Variants in VPS35L observed in about 807,000 individuals in gnomAD.
VPS35L encodes VPS35 endosomal protein sorting factor like.
A neutral mutation model predicts 133.0 loss-of-function variants in VPS35L; 83 were observed. The observed-to-expected ratio is 0.62, with a 90% CI of 0.52 to 0.75. The LOEUF is 0.75. Ranked by LOEUF, VPS35L falls within the 30% of genes least tolerant of loss-of-function variation. The probability of loss-of-function intolerance (pLI) is 0.00; values close to 1 mark genes in which losing one functional copy is unlikely to be tolerated. For synonymous variants in VPS35L, 423 were observed against 449.9 expected (o/e 0.94, Z 0.76); for missense variants, 1,083 against 1,206.8 (o/e 0.90, Z 1.52).
intron 10 of VPS35L, 90 bp downstream of exon 10, chr16:19,608,364 GACATTCTTATTGA>G: frequency 1.0e-6 from 1 of 1,000,816 alleles, no homozygotes; most frequent in South Asian, 1.4e-5. Context: ...GGGATGCCCT[GACATTCTTATTGA>G]AAGTTTGGTC....
intron 25 of VPS35L, among the ~76,000 whole-genome samples, chr16:19,650,939 C>T (rs758855048): frequency 3.3e-5 from 5 of 151,808 alleles, no homozygotes; most frequent in South Asian, 2.1e-4. Context: ...AGTGCAGTGA[C>T]GTGATCTCGG....
chr16:19,600,018 T>A (rs1004699046), intron 8 of VPS35L, among the ~76,000 whole-genome samples: 1 of 152,162 alleles, frequency 6.6e-6, no homozygotes, highest in Non-Finnish European at 1.5e-5. Context: ...TGCAGCCTGG[T>A]GCCAGAGTGA....
At chr16:19,574,773 A>G (rs1023890085) in intron 4 of VPS35L, among the ~76,000 whole-genome samples, 11 of 152,114 alleles carry the variant, frequency 7.2e-5, no homozygotes, top group Admixed American at 1.3e-4. Context: ...TAAACATCCA[A>G]CGGTGCACAG....
At chr16:19,568,648 T>C (rs1162875544) in intron 2 of VPS35L, among the ~76,000 whole-genome samples, 1 of 152,034 alleles carries the variant, frequency 6.6e-6, no homozygotes, top group African/African-American at 2.4e-5. Flanking sequence ...TATTAGGAGC[T>C]CTGTGGGAGG....
chr16:19,613,894 C>G (rs143693887), intron 12 of VPS35L, among the ~76,000 whole-genome samples: 1 of 151,974 alleles, frequency 6.6e-6, no homozygotes. Context: ...CTGGGCAGGC[C>G]GAAACAGCAG....
At chr16:19,658,093 TCTC>T (rs1159704270) in intron 26 of VPS35L, among the ~76,000 whole-genome samples, 1 of 152,112 alleles carries the variant, frequency 6.6e-6, no homozygotes, top group Non-Finnish European at 1.5e-5. Flanking sequence ...CACGGGCAAG[TCTC>T]CTCCTGACAA....
chr16:19,700,300 T>C (rs1976077486), intron 30 of VPS35L, 78 bp from the exon 31 acceptor site: 1 of 1,280,958 alleles, frequency 7.8e-7, no homozygotes, highest in Admixed American at 1.8e-5. Flanking sequence ...TAAGCTCACA[T>C]AATGGCTGAT....
chr16:19,593,376 T>C (rs556029983), intron 8 of VPS35L, among the ~76,000 whole-genome samples: 130 of 152,292 alleles, frequency 8.5e-4, no homozygotes, highest in Middle Eastern at 3.4e-3. Flanking sequence ...GCAAATCTTA[T>C]CTGTAAACCC....
At chr16:19,575,201 T>G in intron 5 of VPS35L, 79 bp downstream of exon 5, 2 of 1,310,498 alleles carry the variant, frequency 1.5e-6, no homozygotes, top group Middle Eastern at 2.0e-4. Flanking sequence ...AAAAAAGTTT[T>G]ATGTGATATG....
chr16:19,699,274 G>A lies in VPS35L; in HGVS notation c.2647-228G>A, dbSNP rs1270327050. Reference sequence around the variant, plus strand: ...TGACCATCTGTGGGCACAGAGCTTCGTCATCTTACTGAATCCCCGCCCTTT... The same window carrying A: ...TGACCATCTGTGGGCACAGAGCTTCATCATCTTACTGAATCCCCGCCCTTT... On this transcript the variant is annotated intron_variant, in intron 29 of 30. Transcript: ENST00000417362. The surrounding 1 kb of genome is among the most constrained non-coding windows in gnomAD (Gnocchi z 4.2). The A allele has an allele frequency of 3.7e-5, 18 of 485,460 alleles. No homozygotes were observed. The highest frequency in any genetic ancestry group is 1.5e-4 in the South Asian group (6 of 39,118). 30.1% of individuals were successfully genotyped at this position (485,460 alleles called of 1,614,324 possible).
chr16:19,608,927 G>C, intron 10 of VPS35L, 47 bp from the exon 11 acceptor site: 3 of 1,564,318 alleles, frequency 1.9e-6, no homozygotes, highest in South Asian at 2.2e-5. Flanking sequence ...TCTCCATAGG[G>C]AGTAGACCTT....
At chr16:19,695,414 T>C (rs1355874701) in intron 29 of VPS35L, among the ~76,000 whole-genome samples, 3 of 152,230 alleles carry the variant, frequency 2.0e-5, no homozygotes, top group African/African-American at 4.8e-5. Context: ...ATGGTGATAG[T>C]GATTCTGAAA....
At chr16:19,556,288 AAAG>A (rs1160741260) in intron 1 of VPS35L, among the ~76,000 whole-genome samples, 4 of 152,192 alleles carry the variant, frequency 2.6e-5, no homozygotes, top group Non-Finnish European at 4.4e-5. Context: ...AGGGATGTCT[AAAG>A]AAGGCATTCG....
intron 27 of VPS35L, among the ~76,000 whole-genome samples, chr16:19,675,107 C>T (rs1426204220): frequency 6.6e-6 from 1 of 151,998 alleles, no homozygotes; most frequent in Non-Finnish European, 1.5e-5. Context: ...GGCAAGCCAC[C>T]AGGCCCATCT....
At chr16:19,682,749 C>T (rs553111302) in intron 28 of VPS35L, among the ~76,000 whole-genome samples, 10 of 152,296 alleles carry the variant, frequency 6.6e-5, no homozygotes, top group Non-Finnish European at 1.3e-4. Flanking sequence ...GTAATCCCAA[C>T]TACTCGGGAG....
intron 7 of VPS35L, among the ~76,000 whole-genome samples, chr16:19,590,146 C>A (rs879595345): frequency 1.6e-5 from 1 of 63,910 alleles, no homozygotes; most frequent in African/African-American, 1.2e-4. Context: ...CCCGCCCCCC[C>A]CCCCCCCCCC....
At chr16:19,673,592 C>T (rs28651825) in intron 27 of VPS35L, among the ~76,000 whole-genome samples, 2 of 145,082 alleles carry the variant, frequency 1.4e-5, no homozygotes, top group Admixed American at 6.9e-5. Flanking sequence ...AACAGATTTG[C>T]GTTATTATTC....
At chr16:19,599,917 T>C (rs1972328290) in intron 8 of VPS35L, among the ~76,000 whole-genome samples, 1 of 152,162 alleles carries the variant, frequency 6.6e-6, no homozygotes, top group Non-Finnish European at 1.5e-5. Flanking sequence ...AGCGCATACC[T>C]GTGGTCCCAG....
At chr16:19,572,980 A>G (rs564387580) in intron 3 of VPS35L, 139 bp from the exon 4 acceptor site, 1 of 1,030,394 alleles carries the variant, frequency 9.7e-7, no homozygotes, top group East Asian at 3.1e-5. Flanking sequence ...TGGCGCTGTA[A>G]TTTTTTTTAT....
Sources: gnomAD v4.1 joint callset for allele counts (sites outside exome capture counted in the v4.1 genomes callset) on GRCh38, gnomAD v4.1.1 for gene constraint, Gnocchi (gnomAD v3.1) non-coding constraint, MANE v1.5 for transcripts, NCBI Gene and HGNC (gene_info 2026-07-23, HGNC 2026-07-21) for gene names.